The following MCPH1 variants were observed in gnomAD, a reference collection of about 807,000 sequenced individuals.
MCPH1 encodes the protein microcephalin.
A neutral mutation model predicts 84.5 loss-of-function variants in MCPH1; 104 were observed. The observed-to-expected ratio is 1.23, with a 90% CI of 1.05 to 1.45. MCPH1 has a LOEUF of 1.45. Among genes scored for constraint, MCPH1 ranks in the 40% most tolerant of loss-of-function variants. The pLI is 0.00. For missense variants in MCPH1, 1,498 were observed against 1,005.7 expected, an observed-to-expected ratio of 1.49 and a Z score of -6.62; for synonymous variants, 514 against 366.8, an observed-to-expected ratio of 1.40 and a Z score of -4.58.
At chr8:6,454,203 CTA>C (rs1805423782) in intron 8 of MCPH1, among the ~76,000 whole-genome samples, 1 of 152,142 alleles carries the variant, frequency 6.6e-6, no homozygotes, top group African/African-American at 2.4e-5. Flanking sequence ...TCTACATTGT[CTA>C]TTGGGTTGTG....
At chr8:6,626,986 A>C in intron 13 of MCPH1, 1 of 687,646 alleles carries the variant, frequency 1.5e-6, no homozygotes, top group Non-Finnish European at 1.7e-6. Context: ...AGCATTGCCA[A>C]AAAAAAAAAA....
At chr8:6,549,669 G>A (rs911131748) in intron 12 of MCPH1, among the ~76,000 whole-genome samples, 1 of 151,246 alleles carries the variant, frequency 6.6e-6, no homozygotes, top group Non-Finnish European at 1.5e-5. Flanking sequence ...GCTGCCTGCA[G>A]GGGAAGAAGC....
intron 2 of MCPH1, among the ~76,000 whole-genome samples, chr8:6,412,989 G>A (rs1389784005): frequency 1.3e-5 from 2 of 151,946 alleles, no homozygotes; most frequent in Non-Finnish European, 2.9e-5. Flanking sequence ...TGTTTCTTTT[G>A]GTATTTACCT....
At chr8:6,479,663 C>T (rs1346899228) in intron 10 of MCPH1, among the ~76,000 whole-genome samples, 3 of 151,970 alleles carry the variant, frequency 2.0e-5, no homozygotes, top group African/African-American at 7.3e-5. Flanking sequence ...CACAGTGTGG[C>T]TTAGAAAGCC....
Position 6,644,293 on chromosome 8 carries a change from A to T in MCPH1, c.*1244A>T, listed in dbSNP as rs1444737348. Reference sequence around the variant, plus strand: ...ATAAATAAATAAATAAATAAGAAACACTGATGTGTCTGTCACCTTCTAAAG... The same window carrying T: ...ATAAATAAATAAATAAATAAGAAACTCTGATGTGTCTGTCACCTTCTAAAG... On this transcript the variant is annotated 3_prime_UTR_variant, in exon 14 of 14. Transcript: ENST00000344683. 1 of 152,074 alleles carries T rather than the reference A, an allele frequency of 6.6e-6. No homozygotes were observed. Among genetic ancestry groups the T allele is most frequent in the Admixed American group, 6.6e-5 (1 of 15,264 alleles). The allele number at this position is 152,074 out of a possible 1,614,324, so 9.4% of individuals were successfully genotyped here.
chr8:6,532,358 G>A (rs1362916978), intron 12 of MCPH1: 9 of 1,613,854 alleles, frequency 5.6e-6, no homozygotes, highest in African/African-American at 4.0e-5. Context: ...GTTAACTTCC[G>A]CGTTTGCTCC....
chr8:6,561,949 TC>T (rs929030599), intron 12 of MCPH1, among the ~76,000 whole-genome samples: 1 of 152,060 alleles, frequency 6.6e-6, no homozygotes, highest in African/African-American at 2.4e-5. Context: ...AACATAACCG[TC>T]CCACGTGGGG....
chr8:6,468,949 G>A (rs892944483), intron 9 of MCPH1, among the ~76,000 whole-genome samples: 10 of 152,162 alleles, frequency 6.6e-5, no homozygotes, highest in Non-Finnish European at 1.0e-4. Context: ...AGCAATTTGG[G>A]AGGCTGAGGC....
chr8:6,505,583 C>A (rs1813430707), intron 12 of MCPH1, among the ~76,000 whole-genome samples: 1 of 113,042 alleles, frequency 8.8e-6, no homozygotes, highest in African/African-American at 3.4e-5. Context: ...AATGTATATT[C>A]TTTTTGTATA....
chr8:6,475,900 G>A (rs149371519), intron 9 of MCPH1, among the ~76,000 whole-genome samples: 33 of 152,256 alleles, frequency 2.2e-4, no homozygotes, highest in East Asian at 3.9e-4. Flanking sequence ...TAGAGAGGCC[G>A]TCACCAGAAA....
chr8:6,416,899 C>T (rs1799382239), intron 3 of MCPH1, among the ~76,000 whole-genome samples: 1 of 151,792 alleles, frequency 6.6e-6, no homozygotes, highest in South Asian at 2.1e-4. Context: ...GAGATTGAGA[C>T]AGGAGAATCA....
intron 13 of MCPH1, chr8:6,627,189 G>A: frequency 1.0e-6 from 1 of 985,362 alleles, no homozygotes; most frequent in Non-Finnish European, 1.2e-6. Context: ...CCACTCGGGA[G>A]GCCTCAGGCC....
In MCPH1 at chr8:6,551,586, C is replaced by G. The variant is rs1289909049; in HGVS notation, c.2214+51657C>G. Among the ~76,000 whole-genome samples, 3 of 151,868 alleles carry G rather than the reference C, an allele frequency of 2.0e-5. No individual in the cohort carries two copies. The South Asian group carries it at 6.2e-4, about 32-fold the overall frequency. On this transcript the variant is annotated intron_variant, in intron 12 of 13. Transcript: ENST00000344683. ...TTTTTTAACTCATAACATTTTTGTCCCAGTCATCAACACTGTTAAGAACAT... is the reference window on the plus strand; with the variant it reads ...TTTTTTAACTCATAACATTTTTGTCGCAGTCATCAACACTGTTAAGAACAT...
intron 12 of MCPH1, among the ~76,000 whole-genome samples, chr8:6,506,028 C>T (rs61619167): frequency 0.14 from 17,480 of 124,074 alleles, 3,118 homozygotes; most frequent in African/African-American, 0.31. Flanking sequence ...TATATAAAAA[C>T]ATATATATAT....
At chr8:6,640,839 C>T (rs79632940) in intron 13 of MCPH1, among the ~76,000 whole-genome samples, 1 of 152,174 alleles carries the variant, frequency 6.6e-6, no homozygotes, top group Admixed American at 6.5e-5. Flanking sequence ...GTGCATTTCA[C>T]TTACTGTATA....
intron 12 of MCPH1, among the ~76,000 whole-genome samples, chr8:6,590,747 G>T (rs1563162349): frequency 6.6e-6 from 1 of 152,244 alleles, no homozygotes; most frequent in Non-Finnish European, 1.5e-5. Context: ...TAACCCTAGG[G>T]TAGGTATGAT....
At chr8:6,641,400 A>C (rs1363918688) in intron 13 of MCPH1, among the ~76,000 whole-genome samples, 1 of 152,236 alleles carries the variant, frequency 6.6e-6, no homozygotes, top group Admixed American at 6.5e-5. Flanking sequence ...GTGTTGATAT[A>C]ATTTGAATAC....
chr8:6,551,618 G>A lies in MCPH1; in HGVS notation c.2214+51689G>A, dbSNP rs530651215. On this transcript the variant is annotated intron_variant, in intron 12 of 13. Coordinates refer to ENST00000344683, the MANE Select transcript of MCPH1 (RefSeq NM_024596.5). ...TCAACACTGTTAAGAACATGTCACT[G>A]GTGCAGTTAAGTTAAAAATGATTCA... Among the ~76,000 whole-genome samples the A allele has an allele frequency of 2.0e-5, 3 of 152,134 alleles. No homozygotes were observed. In the South Asian group the frequency reaches 6.2e-4, roughly 32 times the overall value.
chr8:6,574,940 A>G (rs1452525205), intron 12 of MCPH1, among the ~76,000 whole-genome samples: 3 of 152,242 alleles, frequency 2.0e-5, no homozygotes, highest in Non-Finnish European at 2.9e-5. Flanking sequence ...AAAAAATGAC[A>G]AACAGGATAA....
Sources: allele counts gnomAD v4.1 joint callset (sites outside exome capture counted in the v4.1 genomes callset), GRCh38; gene constraint gnomAD v4.1.1; transcripts MANE v1.5; gene names NCBI Gene and HGNC (gene_info 2026-07-23, HGNC 2026-07-21).